DLEC1: variants seen among roughly 807,000 people sequenced by gnomAD.
DLEC1 encodes DLEC1 cilia and flagella associated protein.
A neutral mutation model predicts 198.1 loss-of-function variants in DLEC1; 146 were observed. The ratio of observed to expected loss-of-function variants is 0.74; its 90% CI spans 0.64 to 0.85. DLEC1 has a LOEUF of 0.85. DLEC1 is among the 40% of genes least tolerant of loss of function. DLEC1 has a pLI of 0.00. For missense variants in DLEC1, 2,233 were observed against 2,220.0 expected (o/e 1.01, Z -0.12); for synonymous variants, 897 against 866.8 (o/e 1.03, Z -0.61).
At chr3:38,056,062 TACAC>T (rs57610638) in intron 2 of DLEC1, among the ~76,000 whole-genome samples, 25,457 of 119,896 alleles carry the variant, frequency 0.21, 2,513 homozygotes, top group Middle Eastern at 0.28. Context: ...CTACAAAAAA[TACAC>T]ACACACACAC....
In DLEC1 at chr3:38,059,873, A is replaced by G. The variant is rs76690040; in HGVS notation, c.673+21A>G. ...TAAAGGTAATGCTTCTGTGCTCTCAAGGCCTCTGATACCATTTGGGGGAAG... is the reference window on the plus strand; with the variant it reads ...TAAAGGTAATGCTTCTGTGCTCTCAGGGCCTCTGATACCATTTGGGGGAAG... On this transcript the variant is annotated intron_variant, in intron 3 of 36. Transcript: ENST00000308059. The G allele has an allele frequency of 2.6e-3, 4,171 of 1,608,166 alleles. 73 individuals are homozygous for G. In the African/African-American group the frequency reaches 0.044, roughly 17 times the overall value.
At chr3:38,082,201 G>A (rs1209506221) in intron 6 of DLEC1, among the ~76,000 whole-genome samples, 24 of 135,798 alleles carry the variant, frequency 1.8e-4, no homozygotes, top group East Asian at 6.7e-4. Flanking sequence ...GACGATGGGC[G>A]GCCGGGCAGA....
Position 38,095,927 on chromosome 3 carries a change from G to A in DLEC1, c.2152G>A (p.Glu718Lys). 1.2e-6 allele frequency: 2 copies of A among 1,613,826 alleles called. No individual in the cohort carries two copies. The highest frequency in any genetic ancestry group is 1.7e-6 in the Non-Finnish European group (2 of 1,180,008). ...FHSVLQMVLE[E>K]VPEPVSSEAE... is the part of the protein sequence containing the mutation. Reference sequence around the variant, plus strand: ...CAGTGTGCTCCAGATGGTGCTAGAGGAAGTCCCAGAGCCTGTAAGGTGAGA... The same window carrying A: ...CAGTGTGCTCCAGATGGTGCTAGAGAAAGTCCCAGAGCCTGTAAGGTGAGA... Residue 718 changes from glutamate to lysine, a missense_variant, in exon 14 of 37, where the codon GAA becomes AAA. Coordinates refer to ENST00000308059, the MANE Select transcript of DLEC1 (RefSeq NM_007335.4).
At position 38,122,931 on chromosome 3, in the gene DLEC1, C is replaced by T; in HGVS notation, c.*519C>T. 1 of 1,068,014 alleles carries T rather than the reference C, an allele frequency of 9.4e-7. No individual in the cohort carries two copies. The highest frequency in any genetic ancestry group is 1.8e-5 in the Admixed American group (1 of 54,194). 66.2% of individuals were successfully genotyped at this position (1,068,014 alleles called of 1,614,324 possible). On this transcript the variant is annotated 3_prime_UTR_variant, in exon 37 of 37. Transcript: ENST00000308059. ...ATGAGTTGAAGTGCCTTGATCTGTC[C>T]ACTGCCACCACCACCAGTGCTGAGT... is the stretch of plus-strand genomic sequence containing the variant.
chr3:38,106,755 CAAAAAAAA>C (rs4019982), intron 19 of DLEC1, among the ~76,000 whole-genome samples: 5 of 38,980 alleles, frequency 1.3e-4, no homozygotes, highest in African/African-American at 5.0e-4. Context: ...GACTCTATCT[CAAAAAAAA>C]AAAAAAAAAA....
intron 6 of DLEC1, among the ~76,000 whole-genome samples, chr3:38,065,230 C>G (rs138655964): frequency 3.3e-5 from 5 of 152,234 alleles, no homozygotes; most frequent in Non-Finnish European, 7.3e-5. Flanking sequence ...CGCAGGCACT[C>G]GGCAGGCTGA....
In DLEC1 at chr3:38,122,649, T is replaced by TATGTGACC; in HGVS notation, c.*238_*239insTGTGACCA. The stretch of plus-strand genomic sequence containing the variant: ...GCAGAGACCACCACATTGAGATCAC[T>TATGTGACC]ACTCAGTGCATAGCGAAGACCAGTA... On this transcript the variant is annotated 3_prime_UTR_variant, in exon 37 of 37. Coordinates refer to ENST00000308059, the MANE Select transcript of DLEC1 (RefSeq NM_007335.4). 1 of 1,483,970 alleles carries TATGTGACC rather than the reference T, an allele frequency of 6.7e-7. No homozygotes were observed. The highest frequency in any genetic ancestry group is 1.3e-5 in the South Asian group (1 of 74,252). The allele number at this position is 1,483,970 out of a possible 1,614,324, so 91.9% of individuals were successfully genotyped here. A position where few individuals can be genotyped will look rare whatever the true frequency, so the allele number is the denominator to read the frequency against.
chr3:38,087,047 C>T (rs1698494439), intron 9 of DLEC1, among the ~76,000 whole-genome samples: 1 of 148,832 alleles, frequency 6.7e-6, no homozygotes, highest in African/African-American at 2.5e-5. Context: ...ACACTCCAGC[C>T]TGGGCGACAG....
rs982484600 is a variant in DLEC1, at chr3:38,112,555, C to G, written c.3666+194C>G. On this transcript the variant is annotated intron_variant, in intron 25 of 36. Coordinates refer to ENST00000308059, the MANE Select transcript of DLEC1 (RefSeq NM_007335.4). This position sits in a 1 kb window ranked among gnomAD's most constrained non-coding sequence, Gnocchi z 4.8. ...GGGGTTCTGGCTGAGGCATTTCAGG[C>G]AGGAGGGGTCCTCATAAGCAGTAGA... Among the ~76,000 whole-genome samples the G allele has an allele frequency of 6.6e-6, 1 of 152,206 alleles. No individual in the cohort carries two copies.
rs375965693 is a variant in DLEC1 at position 38,097,933 on chromosome 3, C to T, written c.2724+31C>T. On this transcript the variant is annotated intron_variant, in intron 18 of 36. Coordinates refer to ENST00000308059, the MANE Select transcript of DLEC1 (RefSeq NM_007335.4). ...TCAGGCACTGCTGGTTCCTCTGGTG[C>T]CCCCACAATGAGCCCGTTTAGCTTG... The T allele has an allele frequency of 1.2e-5, 20 of 1,613,218 alleles. No individual in the cohort carries two copies. In the East Asian group the frequency reaches 4.5e-4, roughly 36 times the overall value.
At chr3:38,070,134 C>G (rs577066685) in intron 6 of DLEC1, among the ~76,000 whole-genome samples, 1 of 152,260 alleles carries the variant, frequency 6.6e-6, no homozygotes, top group South Asian at 2.1e-4. Flanking sequence ...TAGGTCTAGA[C>G]CTTGCCCTTG....
intron 11 of DLEC1, among the ~76,000 whole-genome samples, chr3:38,093,298 T>C (rs1054846815): frequency 1.2e-4 from 18 of 150,320 alleles, no homozygotes; most frequent in Middle Eastern, 3.2e-3. Context: ...CCTCCCTCTC[T>C]TCCTCCCTCC....
chr3:38,106,610 G>A (rs557639808), intron 19 of DLEC1, among the ~76,000 whole-genome samples: 27 of 152,044 alleles, frequency 1.8e-4, no homozygotes, highest in African/African-American at 6.5e-4. Context: ...ACAAAAACTT[G>A]CCTGGCATGG....
Position 38,085,348 on chromosome 3 carries a change from T to C in DLEC1, c.1336T>C (p.Cys446Arg), listed in dbSNP as rs758774733. ...CQYIVQFFPDCLGDFDDFILV... is the reference protein window; with the variant it reads ...CQYIVQFFPDRLGDFDDFILV... ...GTACATTGTCCAGTTTTTTCCCGAC[T>C]GCCTTGGGGATTTTGATGATTTTAT... Residue 446 changes from cysteine (C) to arginine (R), a missense_variant, in exon 8 of 37, where the codon TGC (cysteine) becomes CGC (arginine). By Grantham distance (180) the Cys-to-Arg change is radical. Coordinates refer to ENST00000308059, the MANE Select transcript of DLEC1 (RefSeq NM_007335.4). 2 of 1,614,012 alleles carry C rather than the reference T, an allele frequency of 1.2e-6. No homozygotes were observed. Among genetic ancestry groups the C allele is most frequent in the African/African-American group, 1.3e-5 (1 of 74,944 alleles).
At chr3:38,110,049 C>CA (rs1340393353) in intron 22 of DLEC1, 50 bp from the exon 23 acceptor site, 1 of 1,597,266 alleles carries the variant, frequency 6.3e-7, no homozygotes, top group Non-Finnish European at 8.5e-7. Context: ...TGGGCAGGGC[C>CA]AAGGGTGGTG....
At chr3:38,090,911 T>G (rs1218867220) in intron 10 of DLEC1, among the ~76,000 whole-genome samples, 3 of 152,164 alleles carry the variant, frequency 2.0e-5, no homozygotes, top group Admixed American at 6.5e-5. Context: ...TCTTATTACA[T>G]CTATACCCCT....
rs1358772410 is a variant in DLEC1 at position 38,092,224 on chromosome 3, A to G, written c.1666-566A>G. 1.0e-3 allele frequency among the ~76,000 whole-genome samples: 156 copies of G among 152,244 alleles called. 1 individual carries two copies. Among genetic ancestry groups the G allele is most frequent in the Non-Finnish European group, 2.9e-4 (20 of 68,048 alleles). Reference sequence around the variant, plus strand: ...CAATGGAATAACAGCCCTGCAAAAGAAGGAAATCCTGTCGTTTGCGACAAC... The same window carrying G: ...CAATGGAATAACAGCCCTGCAAAAGGAGGAAATCCTGTCGTTTGCGACAAC... On this transcript the variant is annotated intron_variant, in intron 10 of 36. Coordinates refer to ENST00000308059, the MANE Select transcript of DLEC1 (RefSeq NM_007335.4).
intron 3 of DLEC1, among the ~76,000 whole-genome samples, chr3:38,061,208 T>G (rs921693969): frequency 6.6e-6 from 1 of 152,214 alleles, no homozygotes; most frequent in Non-Finnish European, 1.5e-5. Context: ...AGACAGAGTC[T>G]CGCTTTGTCA....
At chr3:38,113,129 TACAG>T (rs1699974926) in intron 25 of DLEC1, among the ~76,000 whole-genome samples, 1 of 152,162 alleles carries the variant, frequency 6.6e-6, no homozygotes, top group African/African-American at 2.4e-5. Flanking sequence ...GAAAGACAAA[TACAG>T]ACAGACGGCC....
Sources: gnomAD v4.1 joint callset for allele counts (sites outside exome capture counted in the v4.1 genomes callset) on GRCh38, gnomAD v4.1.1 for gene constraint, Gnocchi (gnomAD v3.1) non-coding constraint, MANE v1.5 for transcripts, NCBI Gene and HGNC (gene_info 2026-07-23, HGNC 2026-07-21) for gene names.